The following PAMR1 variants were observed in gnomAD, a reference collection of about 807,000 sequenced individuals.
PAMR1 encodes the protein inactive serine protease PAMR1.
A neutral mutation model predicts 81.8 loss-of-function variants in PAMR1; 88 were observed. The ratio of observed to expected loss-of-function variants is 1.08; its 90% CI spans 0.91 to 1.28. The LOEUF (loss-of-function observed/expected upper bound fraction) is 1.28. Ranked by LOEUF, PAMR1 falls within the 50% of genes most tolerant of loss-of-function variation. PAMR1 has a pLI of 0.00. For synonymous variants in PAMR1, 336 were observed against 345.3 expected, an observed-to-expected ratio of 0.97 and a Z score of 0.30; for missense variants, 935 against 919.7, an observed-to-expected ratio of 1.02 and a Z score of -0.21.
At chr11:35,467,185 A>T (rs1448242598) in intron 6 of PAMR1, among the ~76,000 whole-genome samples, 1 of 152,008 alleles carries the variant, frequency 6.6e-6, no homozygotes, top group Non-Finnish European at 1.5e-5. Flanking sequence ...ACAGGTTAAC[A>T]CTGAGGTTGG....
intron 3 of PAMR1, among the ~76,000 whole-genome samples, chr11:35,490,534 C>G (rs1039543203): frequency 1.3e-5 from 2 of 152,192 alleles, no homozygotes; most frequent in African/African-American, 4.8e-5. Context: ...TGCCTGCAGT[C>G]CCCGTCACTT....
chr11:35,439,805 C>T, intron 7 of PAMR1, 112 bp from the exon 8 acceptor site: 1 of 846,804 alleles, frequency 1.2e-6, no homozygotes, highest in Non-Finnish European at 2.0e-6. Flanking sequence ...GCCCATTCCC[C>T]AGGCTCTCAG....
rs550625292 is a variant in PAMR1 at position 35,472,400 on chromosome 11, G to A, written c.495-1582C>T. Among the ~76,000 whole-genome samples, 3 of 152,214 alleles carry A rather than the reference G, an allele frequency of 2.0e-5. No individual in the cohort carries two copies. The South Asian group carries it at 6.2e-4, about 32-fold the overall frequency. On this transcript the variant is annotated intron_variant, in intron 4 of 10. Coordinates refer to ENST00000619888, the MANE Select transcript of PAMR1 (RefSeq NM_001001991.3). ...GGAGGCCAGCTCTGTCCCAGACACT[G>A]TACTAGGTGCTGTCAGCATAGCAGT...
chr11:35,474,523 G>T (rs1287421644), intron 4 of PAMR1, 107 bp downstream of exon 4: 2 of 625,648 alleles, frequency 3.2e-6, no homozygotes, highest in Non-Finnish European at 2.8e-6. Flanking sequence ...AAAGAGAAAG[G>T]CTCCAATATA....
intron 2 of PAMR1, 91 bp downstream of exon 2, chr11:35,494,005 G>T: frequency 2.0e-6 from 2 of 977,102 alleles, no homozygotes; most frequent in Non-Finnish European, 3.2e-6. Context: ...CCTCCTGATG[G>T]CTGCCTGCTA....
intron 1 of PAMR1, among the ~76,000 whole-genome samples, chr11:35,509,177 C>A (rs1469372764): frequency 1.3e-5 from 2 of 152,146 alleles, no homozygotes; most frequent in Non-Finnish European, 2.9e-5. Context: ...ATCCACTATC[C>A]CTCTTTCTCT....
chr11:35,431,859 TA>T lies in PAMR1; in HGVS notation c.*496del, dbSNP rs1021588829. On this transcript the variant is annotated 3_prime_UTR_variant, in exon 11 of 11. Coordinates refer to ENST00000619888, the MANE Select transcript of PAMR1 (RefSeq NM_001001991.3). ...GTTCAGAAGCCAACCCTTATTTTAT[TA>T]AAATGTGTACAAGAGATGGGGAAGG... 5.1e-5 allele frequency: 8 copies of T among 155,738 alleles called. No individual in the cohort carries two copies. The highest frequency in any genetic ancestry group is 1.9e-4 in the African/African-American group (8 of 41,576). 9.6% of individuals were successfully genotyped at this position (155,738 alleles called of 1,614,324 possible). A position where few individuals can be genotyped will look rare whatever the true frequency, so the allele number is the denominator to read the frequency against.
chr11:35,469,646 C>T (rs113644819), intron 5 of PAMR1, among the ~76,000 whole-genome samples: 2,882 of 152,222 alleles, frequency 0.019, 63 homozygotes, highest in Non-Finnish European at 0.029. Context: ...AGGGGTAGAC[C>T]GGGGAGCAGG....
intron 1 of PAMR1, among the ~76,000 whole-genome samples, chr11:35,495,860 G>A (rs547816318): frequency 2.0e-5 from 3 of 152,088 alleles, no homozygotes; most frequent in Non-Finnish European, 4.4e-5. Context: ...GCAGACACTC[G>A]CACAATGAGG....
intron 6 of PAMR1, among the ~76,000 whole-genome samples, chr11:35,457,332 G>C (rs1159205254): frequency 6.6e-6 from 1 of 152,110 alleles, no homozygotes; most frequent in African/African-American, 2.4e-5. Flanking sequence ...TCTGCCCTCA[G>C]CACTCTTGGT....
intron 1 of PAMR1, among the ~76,000 whole-genome samples, chr11:35,499,840 G>A (rs1850797082): frequency 1.3e-5 from 2 of 152,374 alleles, no homozygotes; most frequent in South Asian, 2.1e-4. Context: ...GGATTTTACA[G>A]ATGTGACTAG....
At chr11:35,530,051 A>C (rs2135434584), upstream of PAMR1, 1 of 152,382 alleles carries the variant, frequency 6.6e-6, no homozygotes, top group East Asian at 1.9e-4. Context: ...GCAGATCAGC[A>C]GCTAAGCAGC....
In PAMR1 at chr11:35,437,378, C is replaced by T. The variant is rs145073870; in HGVS notation, c.1101-1243G>A. 3.7e-3 allele frequency among the ~76,000 whole-genome samples: 571 copies of T among 152,334 alleles called. 5 individuals are homozygous for T. The highest frequency in any genetic ancestry group is 0.013 in the African/African-American group (520 of 41,574). ...CCAGTCACAATTTCCACCCTGGTGT[C>T]CCCCCAATACCAATATATCATCACA... On this transcript the variant is annotated intron_variant, in intron 8 of 10. Coordinates refer to ENST00000619888, the MANE Select transcript of PAMR1 (RefSeq NM_001001991.3).
chr11:35,465,934 A>T (rs927317929), intron 6 of PAMR1, among the ~76,000 whole-genome samples: 1 of 152,120 alleles, frequency 6.6e-6, no homozygotes, highest in South Asian at 2.1e-4. Flanking sequence ...AATGCTGAGG[A>T]ATCTGTTTTG....
intron 1 of PAMR1, among the ~76,000 whole-genome samples, chr11:35,514,445 C>A (rs1341908274): frequency 6.6e-6 from 1 of 152,186 alleles, no homozygotes; most frequent in Non-Finnish European, 1.5e-5. Flanking sequence ...AATCCCTCTT[C>A]CATTTATCTT....
chr11:35,483,873 G>A (rs773921505), intron 3 of PAMR1, among the ~76,000 whole-genome samples: 4 of 152,096 alleles, frequency 2.6e-5, no homozygotes, highest in Admixed American at 1.3e-4. Context: ...AAGAGCTTCA[G>A]CACATAAAAT....
At position 35,488,669 on chromosome 11, in the gene PAMR1, C is replaced by CTTTTTTT. The variant is rs34053329; in HGVS notation, c.379+3369_379+3375dup. Among the ~76,000 whole-genome samples the CTTTTTTT allele has an allele frequency of 3.0e-4, 13 of 42,938 alleles. 1 individual carries two copies. Among genetic ancestry groups the CTTTTTTT allele is most frequent in the Non-Finnish European group, 3.8e-4 (9 of 23,852 alleles). 28.2% of individuals were successfully genotyped at this position (42,938 alleles called of 152,430 possible). ...CCATTTTTCACACTTCAAATCTTGC[C>CTTTTTTT]TTTTTTTTTTTTTTTTTTTTTTTGG... On this transcript the variant is annotated intron_variant, in intron 3 of 10. Coordinates refer to ENST00000619888, the MANE Select transcript of PAMR1 (RefSeq NM_001001991.3).
At chr11:35,514,822 C>A (rs59556928) in intron 1 of PAMR1, among the ~76,000 whole-genome samples, 3,119 of 152,082 alleles carry the variant, frequency 0.021, 110 homozygotes, top group African/African-American at 0.071. Flanking sequence ...CACCCCCGCA[C>A]CACACCCCCT....
chr11:35,501,722 A>T (rs1850848259), intron 1 of PAMR1, among the ~76,000 whole-genome samples: 1 of 152,158 alleles, frequency 6.6e-6, no homozygotes, highest in Non-Finnish European at 1.5e-5. Flanking sequence ...ACCTAACATG[A>T]TAACCTTCAG....
Sources: allele counts gnomAD v4.1 joint callset (sites outside exome capture counted in the v4.1 genomes callset), GRCh38; gene constraint gnomAD v4.1.1; transcripts MANE v1.5; gene names NCBI Gene and HGNC (gene_info 2026-07-23, HGNC 2026-07-21).